Variants in COL8A1 observed in about 807,000 individuals in gnomAD.
COL8A1 encodes the protein collagen alpha-1(VIII) chain.
A neutral mutation model predicts 42.7 loss-of-function variants in COL8A1; 21 were observed. That is an observed-to-expected ratio of 0.49 (90% CI 0.35 to 0.71). The LOEUF (loss-of-function observed/expected upper bound fraction) is 0.71, where lower values mean the gene tolerates loss of function less well. COL8A1 is among the 30% of genes least tolerant of loss of function. COL8A1 has a pLI of 0.01. For missense variants in COL8A1, 788 were observed against 962.4 expected (o/e 0.82, Z 2.40); for synonymous variants, 367 against 369.1 (o/e 0.99, Z 0.06).
chr3:99,666,795 G>A (rs1559772373), intron 1 of COL8A1, among the ~76,000 whole-genome samples: 1 of 152,142 alleles, frequency 6.6e-6, no homozygotes, highest in Non-Finnish European at 1.5e-5. Flanking sequence ...AAAAATATTT[G>A]TGTAATGAAC....
At chr3:99,698,721 G>A (rs1939448692) in intron 1 of COL8A1, among the ~76,000 whole-genome samples, 1 of 152,220 alleles carries the variant, frequency 6.6e-6, no homozygotes, top group African/African-American at 2.4e-5. Flanking sequence ...AAATTGCTCT[G>A]TGTATGTACT....
intron 1 of COL8A1, among the ~76,000 whole-genome samples, chr3:99,694,830 T>C (rs1939323450): frequency 6.6e-6 from 1 of 152,170 alleles, no homozygotes. Context: ...ATAATAAAAA[T>C]GTCTAGCATG....
chr3:99,682,045 A>G (rs567680204), intron 1 of COL8A1, among the ~76,000 whole-genome samples: 3 of 152,328 alleles, frequency 2.0e-5, no homozygotes, highest in Non-Finnish European at 4.4e-5. Context: ...AAGGGAAACT[A>G]TTGAATTTAA....
Position 99,656,494 on chromosome 3 carries a change from G to GA in COL8A1, c.-129+17845dup, listed in dbSNP as rs764532246. 2.7e-3 allele frequency among the ~76,000 whole-genome samples: 250 copies of GA among 92,732 alleles called. 1 individual carries two copies. Among genetic ancestry groups the GA allele is most frequent in the Middle Eastern group, 0.013 (2 of 152 alleles). 60.8% of individuals were successfully genotyped at this position (92,732 alleles called of 152,430 possible). A position where few individuals can be genotyped will look rare whatever the true frequency, so the allele number is the denominator to read the frequency against. The stretch of plus-strand genomic sequence containing the variant: ...CTCAATTTATCTATTTGTATAAGAA[G>GA]AAAAAAAAAAAAAAAGCTTTCCTCA... On this transcript the variant is annotated intron_variant, in intron 1 of 3. Transcript: ENST00000652472.
intron 1 of COL8A1, among the ~76,000 whole-genome samples, chr3:99,673,856 T>C (rs1252753009): frequency 6.6e-6 from 1 of 152,032 alleles, no homozygotes. Context: ...AGTTTCCATA[T>C]CTGAACAATA....
intron 1 of COL8A1, among the ~76,000 whole-genome samples, chr3:99,658,444 C>T (rs895955325): frequency 6.6e-6 from 1 of 152,178 alleles, no homozygotes; most frequent in African/African-American, 2.4e-5. Context: ...AGTGGCCCTG[C>T]CCTGTGCTCT....
intron 1 of COL8A1, among the ~76,000 whole-genome samples, chr3:99,674,807 G>A (rs950700988): frequency 6.6e-6 from 1 of 152,016 alleles, no homozygotes; most frequent in Non-Finnish European, 1.5e-5. Context: ...GAATGCTACA[G>A]AGACTTATTT....
At chr3:99,659,006 A>G (rs1474915927) in intron 1 of COL8A1, among the ~76,000 whole-genome samples, 1 of 152,166 alleles carries the variant, frequency 6.6e-6, no homozygotes. Flanking sequence ...ATTTCAAGCC[A>G]GCATTCTAGG....
rs763580607 is a variant in COL8A1 at position 99,794,598 on chromosome 3, C to G, written c.697C>G (p.Pro233Ala). 6.2e-7 allele frequency: 1 copy of G among 1,613,522 alleles called. No individual in the cohort carries two copies. Among genetic ancestry groups the G allele is most frequent in the Non-Finnish European group, 8.5e-7 (1 of 1,179,756 alleles). The change falls in exon 4 of 4, where the codon CCT becomes GCT. Residue 233 changes from proline (P) to alanine (A), a missense_variant. Physicochemically the swap from Pro to Ala is conservative, Grantham distance 27. Coordinates refer to ENST00000652472, the MANE Select transcript of COL8A1 (RefSeq NM_020351.4). The surrounding 1 kb of genome is among the most constrained non-coding windows in gnomAD (Gnocchi z 4.3). Reference protein sequence around the residue: ...GDRGPKGLPGPQGLRGPKGDK... With the variant: ...GDRGPKGLPGAQGLRGPKGDK... ...TCGAGGACCCAAAGGACTACCAGGA[C>G]CTCAAGGCCTTCGGGGTCCTAAAGG...
chr3:99,765,844 T>C (rs1941454641), intron 2 of COL8A1, among the ~76,000 whole-genome samples: 1 of 152,214 alleles, frequency 6.6e-6, no homozygotes, highest in African/African-American at 2.4e-5. Flanking sequence ...TCTGATGCCT[T>C]ATCAAAATTA....
chr3:99,642,561 G>A (rs913042837), intron 1 of COL8A1, among the ~76,000 whole-genome samples: 1 of 152,102 alleles, frequency 6.6e-6, no homozygotes, highest in South Asian at 2.1e-4. Context: ...ATTCACCTTC[G>A]GTGTCCTCTA....
At chr3:99,753,465 GA>G (rs1941192518) in intron 2 of COL8A1, among the ~76,000 whole-genome samples, 1 of 152,160 alleles carries the variant, frequency 6.6e-6, no homozygotes, top group Non-Finnish European at 1.5e-5. Context: ...CACTTTGTGG[GA>G]AAGAAACTGC....
In COL8A1 at chr3:99,795,735, G is replaced by A; in HGVS notation, c.1834G>A (p.Ala612Thr). 1.2e-6 allele frequency: 2 copies of A among 1,614,140 alleles called. No homozygotes were observed. The highest frequency in any genetic ancestry group is 2.2e-5 in the East Asian group (1 of 44,884). The change falls in exon 4 of 4, where the codon GCC (alanine) becomes ACC (threonine). Residue 612 changes from alanine (A) to threonine (T), a missense_variant. By Grantham distance (58) the Ala-to-Thr change is moderately conservative. Transcript: ENST00000652472. Reference sequence around the variant, plus strand: ...TAAGAAAGGCAAGAATGGAGGGCCAGCCTATGAGATGCCTGCATTTACCGC... The same window carrying A: ...TAAGAAAGGCAAGAATGGAGGGCCAACCTATGAGATGCCTGCATTTACCGC... The part of the protein sequence containing the change: ...GAKKGKNGGP[A>T]YEMPAFTAEL...
chr3:99,668,131 T>C (rs1938422275), intron 1 of COL8A1, among the ~76,000 whole-genome samples: 2 of 152,122 alleles, frequency 1.3e-5, no homozygotes, highest in South Asian at 2.1e-4. Context: ...TTTGTAGACC[T>C]CCCTTTTTTT....
intron 2 of COL8A1, among the ~76,000 whole-genome samples, chr3:99,774,596 C>A (rs1941655762): frequency 6.6e-6 from 1 of 152,008 alleles, no homozygotes; most frequent in Non-Finnish European, 1.5e-5. Context: ...TTACCCAAGC[C>A]CAACATGTGT....
chr3:99,681,465 G>A (rs1011611929), intron 1 of COL8A1, among the ~76,000 whole-genome samples: 14 of 152,130 alleles, frequency 9.2e-5, no homozygotes, highest in African/African-American at 3.1e-4. Context: ...AGATTGGAGG[G>A]AGGAATTAAA....
At chr3:99,661,480 T>C (rs1938204092) in intron 1 of COL8A1, among the ~76,000 whole-genome samples, 1 of 152,088 alleles carries the variant, frequency 6.6e-6, no homozygotes, top group Non-Finnish European at 1.5e-5. Flanking sequence ...CAATTTTTAG[T>C]GAGGATATGG....
intron 1 of COL8A1, among the ~76,000 whole-genome samples, chr3:99,743,445 C>T (rs1176423837): frequency 6.6e-6 from 1 of 152,066 alleles, no homozygotes; most frequent in Non-Finnish European, 1.5e-5. Context: ...AGCCACATGT[C>T]AGAGCCTGGG....
intron 1 of COL8A1, among the ~76,000 whole-genome samples, chr3:99,709,430 T>C (rs970464279): frequency 3.9e-5 from 6 of 152,162 alleles, no homozygotes; most frequent in African/African-American, 1.4e-4. Flanking sequence ...ACATAAACTC[T>C]CTCAGTACAG....
Sources: gnomAD v4.1 joint callset for allele counts (sites outside exome capture counted in the v4.1 genomes callset) on GRCh38, gnomAD v4.1.1 for gene constraint, Gnocchi (gnomAD v3.1) non-coding constraint, MANE v1.5 for transcripts, NCBI Gene and HGNC (gene_info 2026-07-23, HGNC 2026-07-21) for gene names.